Variants in PPM1B observed in about 807,000 individuals in gnomAD.
The protein encoded by PPM1B is protein phosphatase, Mg2+/Mn2+ dependent 1B.
PPM1B carries 22 observed loss-of-function variants against 43.0 expected under a neutral mutation model. That is an observed-to-expected ratio of 0.51 (90% CI 0.37 to 0.73). The LOEUF is 0.73. Among genes scored for constraint, PPM1B ranks in the 30% least tolerant of loss-of-function variants. The pLI is 0.00. For synonymous variants in PPM1B, 217 were observed against 197.9 expected (o/e 1.10, Z -0.81); for missense variants, 632 against 584.2 (o/e 1.08, Z -0.84).
intron 3 of PPM1B, among the ~76,000 whole-genome samples, chr2:44,216,389 G>C (rs1231526032): frequency 1.3e-5 from 2 of 152,080 alleles, no homozygotes; most frequent in Non-Finnish European, 2.9e-5. Flanking sequence ...GTAAAATGTC[G>C]GTGTTGTTGA....
At chr2:44,195,305 G>A (rs1372811930) in intron 1 of PPM1B, among the ~76,000 whole-genome samples, 1 of 151,702 alleles carries the variant, frequency 6.6e-6, no homozygotes, top group Non-Finnish European at 1.5e-5. Context: ...TTGGGCTCAA[G>A]TGATCCTCCT....
chr2:44,189,910 T>C (rs1237091006), intron 1 of PPM1B, among the ~76,000 whole-genome samples: 13 of 152,244 alleles, frequency 8.5e-5, no homozygotes, highest in Non-Finnish European at 1.9e-4. Flanking sequence ...TTTAAAATTT[T>C]TCCTTTACTA....
At chr2:44,230,048 C>A in intron 5 of PPM1B, 1 of 1,571,362 alleles carries the variant, frequency 6.4e-7, no homozygotes, top group Non-Finnish European at 8.6e-7. Flanking sequence ...TTTCCTACTG[C>A]TTTAAACATT....
intron 5 of PPM1B, among the ~76,000 whole-genome samples, chr2:44,229,038 C>T (rs1180978864): frequency 2.6e-5 from 4 of 151,842 alleles, no homozygotes; most frequent in South Asian, 2.1e-4. Context: ...CAAAATTAGC[C>T]GGGCATGGTG....
intron 1 of PPM1B, among the ~76,000 whole-genome samples, chr2:44,199,194 G>A (rs1392155317): frequency 1.3e-5 from 2 of 149,854 alleles, no homozygotes; most frequent in Non-Finnish European, 3.0e-5. Flanking sequence ...GGAGGCGGAG[G>A]TTGCAGTGAG....
At chr2:44,211,247 A>C (rs1669452740) in intron 3 of PPM1B, among the ~76,000 whole-genome samples, 1 of 152,234 alleles carries the variant, frequency 6.6e-6, no homozygotes, top group Non-Finnish European at 1.5e-5. Context: ...TCCAGGATGC[A>C]GTCTAGAGCA....
chr2:44,201,631 C>T lies in PPM1B; in HGVS notation c.432C>T (p.Ile144=). The T allele has an allele frequency of 6.2e-7, 1 of 1,614,156 alleles. No homozygotes were observed. The highest frequency in any genetic ancestry group is 8.5e-7 in the Non-Finnish European group (1 of 1,180,020). ...GAGTTATGATTTCACCTAAGCATAT[C>T]TACTTTATCAACTGTGGTGATTCAC... ...AVGVMISPKH[I]YFINCGDSRA... is the part of the protein sequence containing the mutation. The change falls in exon 2 of 6, where the codon ATC becomes ATT. Residue 144 remains isoleucine (I), a synonymous_variant. Transcript: ENST00000282412. This position sits in a 1 kb window ranked among gnomAD's most constrained non-coding sequence, Gnocchi z 5.4.
At chr2:44,232,106 G>A (rs1018692764), downstream of PPM1B, among the ~76,000 whole-genome samples, 3 of 152,104 alleles carry the variant, frequency 2.0e-5, no homozygotes, top group Non-Finnish European at 4.4e-5. Flanking sequence ...ATGGAGAGGG[G>A]AGGAAAATAA....
intron 3 of PPM1B, among the ~76,000 whole-genome samples, chr2:44,216,094 T>C (rs1343851627): frequency 6.6e-6 from 1 of 152,198 alleles, no homozygotes; most frequent in Non-Finnish European, 1.5e-5. Flanking sequence ...AGATTTTGAG[T>C]ACAAGAGTGA....
intron 1 of PPM1B, among the ~76,000 whole-genome samples, chr2:44,179,440 C>G (rs931791265): frequency 6.6e-6 from 1 of 152,168 alleles, no homozygotes; most frequent in Non-Finnish European, 1.5e-5. Context: ...CTATACCAAA[C>G]AGCAAAGCTC....
At chr2:44,181,398 A>C (rs542229235) in intron 1 of PPM1B, among the ~76,000 whole-genome samples, 37 of 152,310 alleles carry the variant, frequency 2.4e-4, no homozygotes, top group Non-Finnish European at 4.7e-4. Context: ...ATAAGGGTGT[A>C]AAAAACCACT....
chr2:44,218,105 A>T, intron 4 of PPM1B, 27 bp downstream of exon 4: 3 of 1,502,576 alleles, frequency 2.0e-6, no homozygotes, highest in Non-Finnish European at 2.8e-6. Flanking sequence ...GCTAATTTTG[A>T]GTTCGTTCAT....
At chr2:44,230,057 T>C (rs368478939) in intron 5 of PPM1B, 177 of 1,559,534 alleles carry the variant, frequency 1.1e-4, no homozygotes, top group Non-Finnish European at 1.5e-4. Flanking sequence ...GCTTTAAACA[T>C]TGATTTTCTT....
chr2:44,244,262 C>T lies in PPM1B; in HGVS notation n.1581C>T, dbSNP rs184272460. On this transcript the variant is annotated non_coding_transcript_exon_variant, in exon 6 of 6. Coordinates refer to the PPM1B transcript ENST00000378540. ...TTGGGCACGTCCATCTGTAAACCTG[C>T]TGAGAGCTCTGGTGACAAGAAAGGC... 3.8e-4 allele frequency: 517 copies of T among 1,358,128 alleles called. 4 individuals carry two copies. The African/African-American group carries it at 7.2e-3, about 19-fold the overall frequency. The allele number at this position is 1,358,128 out of a possible 1,614,324, so 84.1% of individuals were successfully genotyped here. A position where few individuals can be genotyped will look rare whatever the true frequency, so the allele number is the denominator to read the frequency against.
intron 2 of PPM1B, among the ~76,000 whole-genome samples, chr2:44,203,479 AAAG>A: frequency 6.6e-6 from 1 of 151,884 alleles, no homozygotes. Flanking sequence ...ATTATAAAAA[AAAG>A]GTATATACTT....
intron 5 of PPM1B, among the ~76,000 whole-genome samples, chr2:44,229,131 G>A (rs1475189690): frequency 2.0e-5 from 3 of 150,174 alleles, no homozygotes; most frequent in Admixed American, 1.3e-4. Flanking sequence ...GTGGTGAGCC[G>A]AGAACATGCC....
intron 1 of PPM1B, among the ~76,000 whole-genome samples, chr2:44,192,107 T>C (rs1668429848): frequency 6.6e-6 from 1 of 152,048 alleles, no homozygotes; most frequent in Non-Finnish European, 1.5e-5. Flanking sequence ...TTTTTTTTTT[T>C]TCAGTTTGAT....
intron 5 of PPM1B, among the ~76,000 whole-genome samples, chr2:44,229,358 A>G (rs1156747276): frequency 5.3e-5 from 8 of 152,180 alleles, no homozygotes; most frequent in Admixed American, 5.2e-4. Context: ...TTGTCACTAG[A>G]GTGACTATTG....
chr2:44,201,061 C>G lies in PPM1B; in HGVS notation c.-14-125C>G. The G allele has an allele frequency of 9.9e-7, 1 of 1,014,750 alleles. No individual in the cohort carries two copies. The highest frequency in any genetic ancestry group is 1.4e-6 in the Non-Finnish European group (1 of 728,336). The allele number at this position is 1,014,750 out of a possible 1,614,324, so 62.9% of individuals were successfully genotyped here. On this transcript the variant is annotated intron_variant, in intron 1 of 5. Transcript: ENST00000282412. This position sits in a 1 kb window ranked among gnomAD's most constrained non-coding sequence, Gnocchi z 5.4. Reference sequence around the variant, plus strand: ...GAAATTTCTTGGGCTTTTGTTGTTGCTCCCGTAAATTAGGATAATACTAAA... The same window carrying G: ...GAAATTTCTTGGGCTTTTGTTGTTGGTCCCGTAAATTAGGATAATACTAAA...
Sources: allele counts gnomAD v4.1 joint callset (sites outside exome capture counted in the v4.1 genomes callset), GRCh38; gene constraint gnomAD v4.1.1; non-coding constraint Gnocchi (gnomAD v3.1); transcripts MANE v1.5; gene names NCBI Gene and HGNC (gene_info 2026-07-23, HGNC 2026-07-21).